The following PRR5 variants were observed in gnomAD, a reference collection of about 807,000 sequenced individuals.
The protein encoded by PRR5 is proline-rich protein 5.
PRR5 carries 25 observed loss-of-function variants against 30.6 expected under a neutral mutation model. The ratio of observed to expected loss-of-function variants is 0.82; its 90% CI spans 0.60 to 1.14. The LOEUF is 1.14. Among genes scored for constraint, PRR5 ranks in the 50% most tolerant of loss-of-function variants. The pLI is 0.00. For synonymous variants in PRR5, 286 were observed against 247.1 expected (o/e 1.16, Z -1.48); for missense variants, 600 against 547.1 (o/e 1.10, Z -0.96).
upstream of PRR5, among the ~76,000 whole-genome samples, chr22:44,698,179 C>T (rs1242564595): frequency 2.0e-5 from 3 of 152,092 alleles, no homozygotes; most frequent in Middle Eastern, 3.2e-3. Flanking sequence ...TACCAGCTGC[C>T]GACACCCCAC....
At chr22:44,724,175 C>T (rs1356710939) in intron 2 of PRR5, among the ~76,000 whole-genome samples, 2 of 152,170 alleles carry the variant, frequency 1.3e-5, no homozygotes, top group Non-Finnish European at 2.9e-5. Context: ...GTGGCTCATA[C>T]CTGTAATCCC....
At chr22:44,718,698 G>A (rs9614887) in intron 2 of PRR5, among the ~76,000 whole-genome samples, 1 of 152,162 alleles carries the variant, frequency 6.6e-6, no homozygotes, top group Non-Finnish European at 1.5e-5. Context: ...CTTTCATTCC[G>A]AGAAGTGGCA....
chr22:44,715,564 CT>C (rs1928931328), intron 2 of PRR5, among the ~76,000 whole-genome samples: 1 of 152,110 alleles, frequency 6.6e-6, no homozygotes, highest in African/African-American at 2.4e-5. Context: ...TGGCCCACCC[CT>C]GGGTGGGGCT....
intron 2 of PRR5, among the ~76,000 whole-genome samples, chr22:44,720,485 C>T (rs1929757952): frequency 6.6e-6 from 1 of 152,124 alleles, no homozygotes; most frequent in Non-Finnish European, 1.5e-5. Context: ...AGTTGGTGTG[C>T]GACCCCTCCT....
chr22:44,716,099 A>G (rs1475118916), intron 2 of PRR5, among the ~76,000 whole-genome samples: 1 of 152,126 alleles, frequency 6.6e-6, no homozygotes, highest in African/African-American at 2.4e-5. Context: ...CTGCCTCTCC[A>G]CAGGGCTGAC....
chr22:44,726,671 G>T, intron 4 of PRR5, 37 bp downstream of exon 4: 1 of 1,613,710 alleles, frequency 6.2e-7, no homozygotes, highest in Non-Finnish European at 8.5e-7. Context: ...TCTGGGCCAT[G>T]CTGGGTCCTG....
At chr22:44,729,480 G>A (rs1401223786) in intron 4 of PRR5, 10 of 985,630 alleles carry the variant, frequency 1.0e-5, no homozygotes, top group South Asian at 4.7e-5. Flanking sequence ...AAGGTACGGC[G>A]CGCACACACC....
At chr22:44,697,834 A>G (rs1437282811), upstream of PRR5, among the ~76,000 whole-genome samples, 1 of 152,182 alleles carries the variant, frequency 6.6e-6, no homozygotes, top group East Asian at 1.9e-4. Context: ...CTGGTCTCCC[A>G]CTTGGCAGCC....
intron 1 of PRR5, 129 bp from the exon 2 acceptor site, chr22:44,714,462 G>A (rs1329106950): frequency 3.0e-6 from 4 of 1,312,508 alleles, no homozygotes; most frequent in Admixed American, 2.1e-5. Flanking sequence ...TGAAGTGGGT[G>A]TGAGCAGGGT....
intron 1 of PRR5, among the ~76,000 whole-genome samples, chr22:44,714,114 T>G (rs1329913999): frequency 7.7e-6 from 1 of 130,482 alleles, no homozygotes; most frequent in African/African-American, 3.0e-5. Flanking sequence ...CCTTAGAGAG[T>G]TTTACAAACA....
intron 6 of PRR5, among the ~76,000 whole-genome samples, chr22:44,733,406 C>T (rs551103356): frequency 3.9e-5 from 6 of 152,228 alleles, no homozygotes; most frequent in Non-Finnish European, 8.8e-5. Context: ...GTGCAAAGCC[C>T]TCTTTATCGT....
rs1923346484 is a variant in PRR5 at position 44,736,792 on chromosome 22, T to C, written c.712T>C (p.Ser238Pro). The C allele has an allele frequency of 1.3e-6, 2 of 1,558,952 alleles. No homozygotes were observed. The highest frequency in any genetic ancestry group is 1.8e-5 in the Admixed American group (1 of 54,972). ...CCCAGAAAAGCGCCTCCTCCGCCGC[T>C]CCCGCTCGGGGGACGTGCTGGCCAA... Reference protein sequence around the residue: ...CILEKRLLRRSRSGDVLAKNP... With the variant: ...CILEKRLLRRPRSGDVLAKNP... The change falls in exon 8 of 8, where the codon TCC (serine) becomes CCC (proline). Residue 238 changes from serine (S) to proline (P), a missense_variant. By Grantham distance (74) the Ser-to-Pro change is moderately conservative. Transcript: ENST00000336985.
chr22:44,722,948 G>A (rs562033826), intron 2 of PRR5, among the ~76,000 whole-genome samples: 4 of 152,120 alleles, frequency 2.6e-5, no homozygotes, highest in East Asian at 1.9e-4. Flanking sequence ...AGTAAACCAC[G>A]GGGAAAATGA....
chr22:44,736,123 A>G (rs904038242), intron 7 of PRR5, among the ~76,000 whole-genome samples: 21 of 152,158 alleles, frequency 1.4e-4, no homozygotes, highest in Admixed American at 1.1e-3. Context: ...TCCCGCCCAG[A>G]TGAACCAAGG....
At chr22:44,729,339 G>A (rs1166947657) in intron 4 of PRR5, 7 of 984,272 alleles carry the variant, frequency 7.1e-6, no homozygotes, top group Non-Finnish European at 6.0e-6. Flanking sequence ...CTCAGCACTC[G>A]GATAAAGAAA....
rs750365905 is a variant in PRR5 at position 44,732,368 on chromosome 22, G to C, written c.532G>C (p.Val178Leu). The change falls in exon 6 of 8, where the codon GTG (valine) becomes CTG (leucine). Residue 178 changes from valine (V) to leucine (L), a missense_variant. By Grantham distance (32) the Val-to-Leu change is conservative. Coordinates refer to ENST00000336985, the MANE Select transcript of PRR5 (RefSeq NM_181333.4). ...RAHARVPPAI[V>L]QMLLVLQGVH... ...CCATGCCCGTGTGCCCCCTGCCATC[G>C]TGCAGATGCTGCTGGTGCTGCAGGT... is the stretch of plus-strand genomic sequence containing the variant. The C allele has an allele frequency of 5.6e-6, 9 of 1,610,416 alleles. No homozygotes were observed. The highest frequency in any genetic ancestry group is 7.6e-6 in the Non-Finnish European group (9 of 1,179,378).
intron 2 of PRR5, among the ~76,000 whole-genome samples, chr22:44,723,066 A>G (rs1351397721): frequency 6.6e-6 from 1 of 151,260 alleles, no homozygotes; most frequent in Non-Finnish European, 1.5e-5. Flanking sequence ...GCCCGCTGCA[A>G]CCTCCGCCTC....
upstream of PRR5, among the ~76,000 whole-genome samples, chr22:44,702,018 A>G (rs1926354747): frequency 6.6e-6 from 1 of 152,040 alleles, no homozygotes; most frequent in Admixed American, 6.5e-5. Flanking sequence ...GAGGGTGAGC[A>G]CGTCCTCAGA....
At chr22:44,705,989 AG>A (rs1252447861) in intron 1 of PRR5, among the ~76,000 whole-genome samples, 1 of 151,692 alleles carries the variant, frequency 6.6e-6, no homozygotes, top group East Asian at 2.0e-4. Flanking sequence ...TAGTAGAGAC[AG>A]GGTTTCACCG....
Sources: allele counts gnomAD v4.1 joint callset (sites outside exome capture counted in the v4.1 genomes callset), GRCh38; gene constraint gnomAD v4.1.1; transcripts MANE v1.5; gene names NCBI Gene and HGNC (gene_info 2026-07-23, HGNC 2026-07-21).